The following BRINP1 variants were observed in gnomAD, a reference collection of about 807,000 sequenced individuals.
The protein encoded by BRINP1 is BMP/retinoic acid inducible neural specific 1, also known as BMP/retinoic acid-inducible neural-specific protein 1.
Under a neutral mutation model 72.9 loss-of-function variants are expected in BRINP1, and 17 were observed. The observed-to-expected ratio is 0.23, with a 90% CI of 0.16 to 0.35. The LOEUF (loss-of-function observed/expected upper bound fraction) is 0.35. Among genes scored for constraint, BRINP1 ranks in the 10% least tolerant of loss-of-function variants. The pLI is 1.00. For synonymous variants in BRINP1, 418 were observed against 378.5 expected (o/e 1.10, Z -1.21); for missense variants, 850 against 1,001.6 (o/e 0.85, Z 2.04).
chr9:119,289,826 A>C lies in BRINP1; in HGVS notation c.218+23312T>G, dbSNP rs552410546. Among the ~76,000 whole-genome samples the C allele has an allele frequency of 2.3e-4, 35 of 152,330 alleles. No individual in the cohort carries two copies. The East Asian group carries it at 5.4e-3, about 23-fold the overall frequency. On this transcript the variant is annotated intron_variant, in intron 2 of 7. Coordinates refer to ENST00000265922, the MANE Select transcript of BRINP1 (RefSeq NM_014618.3). ...GATTCTGAACTGATCACATGGATTG[A>C]TACAATCCTGTCATCTTAAACCTCT... is the stretch of plus-strand genomic sequence containing the variant.
intron 2 of BRINP1, among the ~76,000 whole-genome samples, chr9:119,252,213 T>C (rs1373879162): frequency 6.6e-6 from 1 of 152,198 alleles, no homozygotes; most frequent in Non-Finnish European, 1.5e-5. Context: ...TGCAAGGAAC[T>C]GAATCCTGGC....
intron 2 of BRINP1, among the ~76,000 whole-genome samples, chr9:119,273,465 TA>T (rs1414985662): frequency 6.6e-6 from 1 of 151,924 alleles, no homozygotes; most frequent in Non-Finnish European, 1.5e-5. Context: ...GAAAAAGGAT[TA>T]AAAAAATTCT....
intron 2 of BRINP1, among the ~76,000 whole-genome samples, chr9:119,274,595 C>T (rs1006891539): frequency 4.6e-5 from 7 of 152,168 alleles, no homozygotes; most frequent in African/African-American, 1.7e-4. Context: ...GGGAAAGTCT[C>T]TCTAACTTGC....
chr9:119,353,781 T>G lies in BRINP1; in HGVS notation c.-51+15275A>C, dbSNP rs79948016. On this transcript the variant is annotated intron_variant, in intron 1 of 7. Transcript: ENST00000265922. ...AGTGCTGTACATGGCATGTGTTTAT[T>G]TTTCAATTAAAGCAAATTAAACTTA... Among the ~76,000 whole-genome samples the G allele has an allele frequency of 7.5e-3, 1,133 of 151,972 alleles. 11 individuals are homozygous for G. The highest frequency in any genetic ancestry group is 0.012 in the Admixed American group (178 of 15,240).
At chr9:119,258,921 G>T (rs1361159020) in intron 2 of BRINP1, among the ~76,000 whole-genome samples, 1 of 152,146 alleles carries the variant, frequency 6.6e-6, no homozygotes, top group Non-Finnish European at 1.5e-5. Context: ...AGAAATTCAG[G>T]TTCTGTTATT....
At chr9:119,252,040 T>A (rs1830395256) in intron 2 of BRINP1, among the ~76,000 whole-genome samples, 1 of 152,200 alleles carries the variant, frequency 6.6e-6, no homozygotes, top group South Asian at 2.1e-4. Flanking sequence ...GTTCCCTCTC[T>A]GTTTCTTGCA....
At chr9:119,263,071 C>T (rs1245109459) in intron 2 of BRINP1, among the ~76,000 whole-genome samples, 1 of 152,152 alleles carries the variant, frequency 6.6e-6, no homozygotes, top group Non-Finnish European at 1.5e-5. Flanking sequence ...ACGCAGACCC[C>T]TGACTCTCCC....
At chr9:119,170,056 C>A (rs1829384026) in intron 7 of BRINP1, among the ~76,000 whole-genome samples, 1 of 152,256 alleles carries the variant, frequency 6.6e-6, no homozygotes, top group African/African-American at 2.4e-5. Context: ...AAACCGGAAA[C>A]TCTAAAAAGC....
Position 119,167,622 on chromosome 9 carries a change from C to T in BRINP1, c.1748G>A (p.Gly583Asp), listed in dbSNP as rs758430750. 12 of 1,613,974 alleles carry T rather than the reference C, an allele frequency of 7.4e-6. No homozygotes were observed. In the Admixed American group the frequency reaches 8.3e-5, roughly 11 times the overall value. ...ACGGATCTTCTCCCAGCGTGGGTAGCCAAATTCCCCGAAGGGCATGTTCCA... is the reference window on the plus strand; with the variant it reads ...ACGGATCTTCTCCCAGCGTGGGTAGTCAAATTCCCCGAAGGGCATGTTCCA... ...EGWNMPFGEF[G>D]YPRWEKIRLQ... The change falls in exon 8 of 8, where the codon GGC becomes GAC. Residue 583 changes from glycine to aspartate, a missense_variant. Physicochemically the swap from Gly to Asp is moderately conservative, Grantham distance 94. Coordinates refer to ENST00000265922, the MANE Select transcript of BRINP1 (RefSeq NM_014618.3). This position sits in a 1 kb window ranked among gnomAD's most constrained non-coding sequence, Gnocchi z 4.3.
intron 5 of BRINP1, among the ~76,000 whole-genome samples, chr9:119,234,173 G>A (rs1830172139): frequency 6.6e-6 from 1 of 152,234 alleles, no homozygotes; most frequent in African/African-American, 2.4e-5. Context: ...AAGGACACGT[G>A]CAGTCTTTTG....
chr9:119,210,148 T>C (rs75937408), intron 6 of BRINP1, among the ~76,000 whole-genome samples: 2,716 of 152,338 alleles, frequency 0.018, 82 homozygotes, highest in African/African-American at 0.062. Flanking sequence ...GTCTGTGTCC[T>C]GAGTTTCTGT....
chr9:119,311,416 A>G (rs1052347948), intron 2 of BRINP1, among the ~76,000 whole-genome samples: 3 of 152,238 alleles, frequency 2.0e-5, no homozygotes, highest in African/African-American at 7.2e-5. Flanking sequence ...AAAGTAAATC[A>G]TACATGAAAT....
At chr9:119,347,931 G>A (rs1267307568) in intron 1 of BRINP1, among the ~76,000 whole-genome samples, 1 of 152,090 alleles carries the variant, frequency 6.6e-6, no homozygotes, top group East Asian at 1.9e-4. Context: ...TATTAGAAAT[G>A]TACATTTACT....
intron 5 of BRINP1, among the ~76,000 whole-genome samples, chr9:119,228,730 G>T (rs553275950): frequency 1.3e-5 from 2 of 152,042 alleles, no homozygotes; most frequent in Admixed American, 6.6e-5. Flanking sequence ...GATAATCTGC[G>T]TGATTGCGCG....
chr9:119,204,103 C>T (rs1829829410), intron 7 of BRINP1, among the ~76,000 whole-genome samples: 1 of 152,176 alleles, frequency 6.6e-6, no homozygotes, highest in South Asian at 2.1e-4. Context: ...CCTGTGTGGG[C>T]ACTCCAGTGA....
At chr9:119,312,912 C>A (rs1010447954) in intron 2 of BRINP1, among the ~76,000 whole-genome samples, 2 of 152,126 alleles carry the variant, frequency 1.3e-5, no homozygotes, top group African/African-American at 2.4e-5. Context: ...GCCCCCTGCC[C>A]AGCATATAAA....
At chr9:119,325,935 G>T (rs1229706462) in intron 1 of BRINP1, among the ~76,000 whole-genome samples, 1 of 152,118 alleles carries the variant, frequency 6.6e-6, no homozygotes, top group Non-Finnish European at 1.5e-5. Flanking sequence ...GCCTTGTTTA[G>T]ACTGTTCCCT....
chr9:119,333,589 C>T (rs766332297), intron 1 of BRINP1, among the ~76,000 whole-genome samples: 15 of 151,222 alleles, frequency 9.9e-5, no homozygotes, highest in South Asian at 2.1e-4. Context: ...AGTCTTAAAA[C>T]GCTCCCGTAT....
At chr9:119,314,891 CG>C (rs1831109775) in intron 1 of BRINP1, among the ~76,000 whole-genome samples, 1 of 152,112 alleles carries the variant, frequency 6.6e-6, no homozygotes, top group South Asian at 2.1e-4. Context: ...ATAAATGTCA[CG>C]TATCATGATG....
Sources: allele counts gnomAD v4.1 joint callset (sites outside exome capture counted in the v4.1 genomes callset), GRCh38; gene constraint gnomAD v4.1.1; non-coding constraint Gnocchi (gnomAD v3.1); transcripts MANE v1.5; gene names NCBI Gene and HGNC (gene_info 2026-07-23, HGNC 2026-07-21).